The following MTUS2 variants were observed in gnomAD, a reference collection of about 807,000 sequenced individuals.
MTUS2 encodes the protein microtubule associated scaffold protein 2.
Under a neutral mutation model 114.1 loss-of-function variants are expected in MTUS2, and 40 were observed. The observed-to-expected ratio is 0.35, with a 90% confidence interval of 0.27 to 0.46. MTUS2 has a LOEUF of 0.46. Ranked by LOEUF, MTUS2 falls within the 20% of genes least tolerant of loss-of-function variation. The pLI is 1.00. For synonymous variants in MTUS2, 688 were observed against 672.0 expected (o/e 1.02, Z -0.37); for missense variants, 1,679 against 1,705.4 (o/e 0.98, Z 0.27).
rs1290168236 is a variant in MTUS2 at position 29,389,518 on chromosome 13, T to G, written c.3117+30045T>G. Among the ~76,000 whole-genome samples the G allele has an allele frequency of 1.2e-4, 7 of 56,142 alleles. 1 individual carries two copies. The highest frequency in any genetic ancestry group is 3.1e-4 in the African/African-American group (7 of 22,876). 36.8% of individuals were successfully genotyped at this position (56,142 alleles called of 152,430 possible). A position where few individuals can be genotyped will look rare whatever the true frequency, so the allele number is the denominator to read the frequency against. ...GTATATATGTATACACGTGTGTGTATGTGTATATATGTATACACGTGTGTA... is the reference window on the plus strand; with the variant it reads ...GTATATATGTATACACGTGTGTGTAGGTGTATATATGTATACACGTGTGTA... On this transcript the variant is annotated intron_variant, in intron 8 of 15. Coordinates refer to ENST00000612955, the MANE Select transcript of MTUS2 (RefSeq NM_001033602.4).
chr13:29,313,541 A>G (rs560288893), intron 6 of MTUS2, among the ~76,000 whole-genome samples: 18 of 152,344 alleles, frequency 1.2e-4, no homozygotes, highest in African/African-American at 4.1e-4. Flanking sequence ...GATAAGATGT[A>G]TAATAAGATA....
At chr13:29,067,558 G>T (rs1888719141) in intron 4 of MTUS2, among the ~76,000 whole-genome samples, 1 of 152,134 alleles carries the variant, frequency 6.6e-6, no homozygotes, top group Non-Finnish European at 1.5e-5. Flanking sequence ...TAATTAGTAG[G>T]TTGAGAAGTG....
intron 6 of MTUS2, among the ~76,000 whole-genome samples, chr13:29,315,813 A>G (rs1483088794): frequency 1.3e-5 from 2 of 152,208 alleles, no homozygotes; most frequent in African/African-American, 4.8e-5. Flanking sequence ...GAAAGGGATT[A>G]TAGTCTGAGT....
At chr13:28,822,761 C>T (rs947335133) in intron 1 of MTUS2, among the ~76,000 whole-genome samples, 1 of 152,052 alleles carries the variant, frequency 6.6e-6, no homozygotes, top group Non-Finnish European at 1.5e-5. Context: ...ACCCAAGGTT[C>T]CACAGACCCT....
chr13:29,158,143 C>T (rs1593538937), intron 5 of MTUS2, among the ~76,000 whole-genome samples: 1 of 152,110 alleles, frequency 6.6e-6, no homozygotes, highest in South Asian at 2.1e-4. Flanking sequence ...GACTGTCCCT[C>T]CCGGACTCCC....
In MTUS2 at chr13:29,307,458, G is replaced by T. The variant is rs139273882; in HGVS notation, c.2807-17155G>T. ...AGGTCATCCCTGAGCTGAATGGGAA[G>T]CTCACTGGCATGGCCTTCTGTGTCC... On this transcript the variant is annotated intron_variant, in intron 6 of 15. Transcript: ENST00000612955. 3,750 of 1,330,200 alleles carry T rather than the reference G, an allele frequency of 2.8e-3. 10 individuals carry two copies. The highest frequency in any genetic ancestry group is 3.7e-3 in the Non-Finnish European group (3,433 of 932,570). The allele number at this position is 1,330,200 out of a possible 1,614,324, so 82.4% of individuals were successfully genotyped here.
chr13:29,056,776 A>G (rs1565983463), intron 4 of MTUS2, among the ~76,000 whole-genome samples: 27 of 151,914 alleles, frequency 1.8e-4, no homozygotes. Context: ...ATTCATTAAT[A>G]TTTTGTATTA....
chr13:29,499,919 A>T (rs1593523170), intron 14 of MTUS2, among the ~76,000 whole-genome samples: 1 of 152,136 alleles, frequency 6.6e-6, no homozygotes, highest in African/African-American at 2.4e-5. Context: ...ACCACTCTGC[A>T]CCCTCCAGCA....
At chr13:29,037,294 T>C (rs971149849) in intron 4 of MTUS2, among the ~76,000 whole-genome samples, 13 of 152,332 alleles carry the variant, frequency 8.5e-5, no homozygotes, top group Non-Finnish European at 1.5e-4. Context: ...GGATATGAAA[T>C]TCTGGGTTGA....
intron 8 of MTUS2, among the ~76,000 whole-genome samples, chr13:29,404,176 C>CAAAA (rs33920912): frequency 2.3e-5 from 3 of 127,760 alleles, no homozygotes; most frequent in Admixed American, 8.0e-5. Flanking sequence ...TCCATCTCTA[C>CAAAA]AAAAAAAAAA....
At chr13:28,995,118 T>A (rs902010686) in intron 2 of MTUS2, among the ~76,000 whole-genome samples, 10 of 152,366 alleles carry the variant, frequency 6.6e-5, no homozygotes, top group East Asian at 3.9e-4. Context: ...TTTCTACATA[T>A]GGCTAGCCAG....
intron 8 of MTUS2, among the ~76,000 whole-genome samples, chr13:29,426,625 A>G (rs1384444874): frequency 6.6e-6 from 1 of 152,204 alleles, no homozygotes; most frequent in Non-Finnish European, 1.5e-5. Flanking sequence ...GGAATCGTAC[A>G]GTATTTGTCC....
intron 2 of MTUS2, among the ~76,000 whole-genome samples, chr13:28,941,524 A>G (rs929034505): frequency 1.3e-5 from 2 of 152,078 alleles, no homozygotes; most frequent in African/African-American, 4.8e-5. Context: ...TTAAAATTTT[A>G]GTATTTTATA....
intron 4 of MTUS2, among the ~76,000 whole-genome samples, chr13:29,034,501 G>A (rs534384590): frequency 2.2e-4 from 33 of 152,304 alleles, no homozygotes; most frequent in East Asian, 1.7e-3. Context: ...ATTTGGTGTC[G>A]AGACAGAGAG....
chr13:29,259,129 G>T (rs1052372524), intron 5 of MTUS2, among the ~76,000 whole-genome samples: 1 of 152,130 alleles, frequency 6.6e-6, no homozygotes, highest in Non-Finnish European at 1.5e-5. Flanking sequence ...AAGTGAAAAA[G>T]AAACTATTAG....
intron 5 of MTUS2, among the ~76,000 whole-genome samples, chr13:29,122,477 C>T (rs997530792): frequency 1.3e-5 from 2 of 152,148 alleles, no homozygotes; most frequent in Non-Finnish European, 2.9e-5. Context: ...CATCAGATCT[C>T]GTGAGAACTC....
chr13:29,146,758 A>T (rs1892451003), intron 5 of MTUS2, among the ~76,000 whole-genome samples: 1 of 152,216 alleles, frequency 6.6e-6, no homozygotes, highest in Non-Finnish European at 1.5e-5. Context: ...GAAGTTGAGT[A>T]TATTAATCCT....
intron 4 of MTUS2, among the ~76,000 whole-genome samples, chr13:29,039,626 G>A (rs1311993812): frequency 6.6e-6 from 1 of 152,206 alleles, no homozygotes; most frequent in Non-Finnish European, 1.5e-5. Flanking sequence ...GTAGAAGATA[G>A]AATTTCTGCC....
intron 6 of MTUS2, among the ~76,000 whole-genome samples, chr13:29,317,402 A>G (rs1445291813): frequency 6.6e-6 from 1 of 151,634 alleles, no homozygotes; most frequent in African/African-American, 2.4e-5. Context: ...AACTCTCCTG[A>G]GTTCGCTTGT....
Sources: allele counts gnomAD v4.1 joint callset (sites outside exome capture counted in the v4.1 genomes callset), GRCh38; gene constraint gnomAD v4.1.1; transcripts MANE v1.5; gene names NCBI Gene and HGNC (gene_info 2026-07-23, HGNC 2026-07-21).